Variants in SLC10A7 observed in about 807,000 individuals in gnomAD.
SLC10A7 encodes sodium/bile acid cotransporter 7.
SLC10A7 carries 29 observed loss-of-function variants against 43.2 expected under a neutral mutation model. The ratio of observed to expected loss-of-function variants is 0.67; its 90% CI spans 0.50 to 0.92. SLC10A7 has a LOEUF of 0.92. Ranked by LOEUF, SLC10A7 falls within the 40% of genes least tolerant of loss-of-function variation. SLC10A7 has a pLI of 0.00. For missense variants in SLC10A7, 295 were observed against 403.2 expected, an observed-to-expected ratio of 0.73 and a Z score of 2.30; for synonymous variants, 152 against 144.8, an observed-to-expected ratio of 1.05 and a Z score of -0.35.
At chr4:146,452,571 T>C (rs1731686899) in intron 4 of SLC10A7, among the ~76,000 whole-genome samples, 1 of 152,104 alleles carries the variant, frequency 6.6e-6, no homozygotes, top group Admixed American at 6.6e-5. Flanking sequence ...GACTTTCTCT[T>C]ATGCAACTTA....
chr4:146,409,108 T>C (rs961902145), intron 5 of SLC10A7, among the ~76,000 whole-genome samples: 2 of 152,118 alleles, frequency 1.3e-5, no homozygotes, highest in Non-Finnish European at 2.9e-5. Context: ...ATAGGAAACA[T>C]AGAAGGAGAA....
intron 4 of SLC10A7, among the ~76,000 whole-genome samples, chr4:146,489,287 G>A (rs1413764964): frequency 1.3e-5 from 2 of 152,214 alleles, no homozygotes; most frequent in Non-Finnish European, 2.9e-5. Flanking sequence ...AGTGTTAACA[G>A]AGAAGGGCAG....
Position 146,492,252 on chromosome 4 carries a change from C to T in SLC10A7, c.396+11597G>A, listed in dbSNP as rs1034685330. Among the ~76,000 whole-genome samples, 8 of 152,078 alleles carry T rather than the reference C, an allele frequency of 5.3e-5. No homozygotes were observed. The East Asian group carries it at 1.2e-3, about 22-fold the overall frequency. On this transcript the variant is annotated intron_variant, in intron 4 of 11. Transcript: ENST00000335472. ...AAAAAGGAAGAAAAGAAAGACACAG[C>T]CTGATGACTTTGTAATGCAAGTAAA...
chr4:146,407,126 T>C (rs142899424), intron 5 of SLC10A7, among the ~76,000 whole-genome samples: 54 of 152,342 alleles, frequency 3.5e-4, no homozygotes, highest in South Asian at 6.2e-4. Flanking sequence ...TATCTCATTG[T>C]ACATAGAAGT....
chr4:146,389,319 A>AT (rs1401120641), intron 5 of SLC10A7, among the ~76,000 whole-genome samples: 4 of 150,836 alleles, frequency 2.7e-5, no homozygotes, highest in South Asian at 4.2e-4. Flanking sequence ...TACAAAAATA[A>AT]AAAAAAAAAA....
At chr4:146,333,775 G>T (rs750910520) in intron 5 of SLC10A7, among the ~76,000 whole-genome samples, 2 of 151,992 alleles carry the variant, frequency 1.3e-5, no homozygotes, top group Non-Finnish European at 2.9e-5. Flanking sequence ...CCATGGGTGT[G>T]GGGAGGGGCA....
At chr4:146,512,821 T>A (rs1477839477) in intron 2 of SLC10A7, among the ~76,000 whole-genome samples, 1 of 152,236 alleles carries the variant, frequency 6.6e-6, no homozygotes, top group East Asian at 1.9e-4. Context: ...CTTTGCAACA[T>A]GTTTGTAATA....
intron 4 of SLC10A7, among the ~76,000 whole-genome samples, chr4:146,453,678 A>G (rs543325226): frequency 6.6e-6 from 1 of 152,092 alleles, no homozygotes; most frequent in Admixed American, 6.6e-5. Context: ...ATTCCTTTCT[A>G]AGCACATGGG....
intron 4 of SLC10A7, among the ~76,000 whole-genome samples, chr4:146,500,527 G>A (rs542078804): frequency 2.6e-5 from 4 of 151,878 alleles, no homozygotes; most frequent in Admixed American, 6.6e-5. Context: ...ACAGCCCAAG[G>A]TCTACTGACA....
At chr4:146,430,043 T>C (rs769855006) in intron 5 of SLC10A7, among the ~76,000 whole-genome samples, 11 of 144,448 alleles carry the variant, frequency 7.6e-5, no homozygotes, top group Non-Finnish European at 1.2e-4. Context: ...TTAAAACTTA[T>C]AGGAGAAAAC....
chr4:146,258,554 A>G (rs1728020018), intron 11 of SLC10A7, 138 bp downstream of exon 11: 2 of 758,812 alleles, frequency 2.6e-6, no homozygotes, highest in Non-Finnish European at 4.1e-6. Flanking sequence ...GTGCACCATT[A>G]TTATTGTATT....
intron 4 of SLC10A7, among the ~76,000 whole-genome samples, chr4:146,481,622 C>A (rs1199504962): frequency 1.3e-5 from 2 of 152,196 alleles, no homozygotes; most frequent in Non-Finnish European, 2.9e-5. Flanking sequence ...CTGTGCCCCC[C>A]AGGGGCAGTA....
At chr4:146,429,980 A>G (rs1353361048) in intron 5 of SLC10A7, among the ~76,000 whole-genome samples, 1 of 151,912 alleles carries the variant, frequency 6.6e-6, no homozygotes, top group African/African-American at 2.4e-5. Flanking sequence ...ACACTGAACT[A>G]TACAAAAAAA....
chr4:146,503,794 T>C (rs971856394), intron 4 of SLC10A7, 55 bp downstream of exon 4: 21 of 1,509,696 alleles, frequency 1.4e-5, no homozygotes, highest in Non-Finnish European at 1.9e-5. Flanking sequence ...GATATATTTT[T>C]GAAATAAAAG....
intron 5 of SLC10A7, among the ~76,000 whole-genome samples, chr4:146,335,019 T>A (rs1733781325): frequency 6.6e-6 from 1 of 151,862 alleles, no homozygotes; most frequent in Admixed American, 6.6e-5. Context: ...CTGCCACACA[T>A]TCAAGTATGC....
chr4:146,320,872 T>A (rs1468836319), intron 6 of SLC10A7, among the ~76,000 whole-genome samples: 1 of 151,958 alleles, frequency 6.6e-6, no homozygotes, highest in Non-Finnish European at 1.5e-5. Flanking sequence ...TGGGAAATGA[T>A]CTGGAATTGG....
chr4:146,367,233 A>C (rs1392724126), intron 5 of SLC10A7, among the ~76,000 whole-genome samples: 1 of 152,078 alleles, frequency 6.6e-6, no homozygotes, highest in Non-Finnish European at 1.5e-5. Flanking sequence ...CAGAGCCCAA[A>C]ACAACAAAAG....
At chr4:146,402,259 A>G (rs1053187354) in intron 5 of SLC10A7, among the ~76,000 whole-genome samples, 8 of 152,302 alleles carry the variant, frequency 5.3e-5, no homozygotes, top group South Asian at 2.1e-4. Context: ...AACATCAGGC[A>G]ATACTGATAC....
intron 1 of SLC10A7, among the ~76,000 whole-genome samples, chr4:146,519,968 G>C (rs1449506219): frequency 6.6e-6 from 1 of 152,158 alleles, no homozygotes; most frequent in Admixed American, 6.5e-5. Context: ...TTAATAAGCA[G>C]AGTCTATGGA....
Sources: gnomAD v4.1 joint callset for allele counts (sites outside exome capture counted in the v4.1 genomes callset) on GRCh38, gnomAD v4.1.1 for gene constraint, MANE v1.5 for transcripts, NCBI Gene and HGNC (gene_info 2026-07-23, HGNC 2026-07-21) for gene names.